DLGAP2: variants seen among roughly 807,000 people sequenced by gnomAD.
DLGAP2 encodes DLG associated protein 2, also known as disks large-associated protein 2.
A neutral mutation model predicts 100.3 loss-of-function variants in DLGAP2; 26 were observed. That is an observed-to-expected ratio of 0.26 (90% confidence interval 0.19 to 0.36). DLGAP2 has a LOEUF of 0.36. Ranked by LOEUF, DLGAP2 falls within the 10% of genes least tolerant of loss-of-function variation. The pLI is 1.00. For synonymous variants in DLGAP2, 886 were observed against 630.1 expected, an observed-to-expected ratio of 1.41 and a Z score of -6.08; for missense variants, 1,858 against 1,453.2, an observed-to-expected ratio of 1.28 and a Z score of -4.53.
At chr8:1,186,733 A>C (rs1797513178) in intron 2 of DLGAP2, among the ~76,000 whole-genome samples, 1 of 151,898 alleles carries the variant, frequency 6.6e-6, no homozygotes, top group South Asian at 2.1e-4. Context: ...CTGTGGGATA[A>C]TTTCACGTCG....
intron 3 of DLGAP2, among the ~76,000 whole-genome samples, chr8:1,317,890 GCGTCTCTC>G (rs1256661571): frequency 8.1e-4 from 111 of 137,602 alleles, no homozygotes; most frequent in African/African-American, 3.0e-3. Flanking sequence ...TGTGAGTGCA[GCGTCTCTC>G]CAACAGTGGT....
Position 1,563,603 on chromosome 8 carries a change from G to A in DLGAP2, c.1231-2080G>A, listed in dbSNP as rs562209686. ...TGGTGTTGAGGACTCCTTGCCACAC[G>A]GGGTCCATGGTAAGGGGAGCTCCTG... On this transcript the variant is annotated intron_variant, in intron 5 of 14. Transcript: ENST00000637795. Among the ~76,000 whole-genome samples the A allele has an allele frequency of 4.6e-3, 700 of 152,104 alleles. 6 individuals carry two copies. The highest frequency in any genetic ancestry group is 7.6e-3 in the Non-Finnish European group (518 of 67,962).
At chr8:1,344,090 G>GGGGCCCTGTCGTGAGTCCGTGTACTGT (rs1563094899) in intron 3 of DLGAP2, among the ~76,000 whole-genome samples, 20 of 73,220 alleles carry the variant, frequency 2.7e-4, no homozygotes, top group African/African-American at 9.8e-4. Context: ...TGTCGTACTC[G>GGGGCCCTGTCGTGAGTCCGTGTACTGT]GGGCCCTGTC....
chr8:1,651,116 A>C (rs1798152547), intron 8 of DLGAP2, among the ~76,000 whole-genome samples: 1 of 152,238 alleles, frequency 6.6e-6, no homozygotes, highest in Non-Finnish European at 1.5e-5. Flanking sequence ...TCCAGCGTCC[A>C]CATTCTGAAG....
At chr8:960,233 A>ATTTTTTTTTTTTTTTTTTTTTT (rs1228650565) in intron 2 of DLGAP2, among the ~76,000 whole-genome samples, 1 of 8,302 alleles carries the variant, frequency 1.2e-4, no homozygotes, top group Admixed American at 1.4e-3. Flanking sequence ...TTCCTGAAGT[A>ATTTTTTTTTTTTTTTTTTTTTT]TATCTTTTTT....
intron 2 of DLGAP2, among the ~76,000 whole-genome samples, chr8:1,149,296 CCACCG>C (rs1452228674): frequency 6.6e-6 from 1 of 152,148 alleles, no homozygotes; most frequent in Non-Finnish European, 1.5e-5. Context: ...CAGGCACCCG[CCACCG>C]CACCCGGCTA....
At chr8:927,235 G>C in intron 2 of DLGAP2, 1 of 985,278 alleles carries the variant, frequency 1.0e-6, no homozygotes, top group Non-Finnish European at 1.2e-6. Context: ...ATCCATTATG[G>C]GGGATTCATG....
At chr8:794,407 T>G (rs182066787) in intron 1 of DLGAP2, among the ~76,000 whole-genome samples, 1 of 152,148 alleles carries the variant, frequency 6.6e-6, no homozygotes, top group Non-Finnish European at 1.5e-5. Context: ...AAACAGAGAT[T>G]TACCTGCATA....
intron 3 of DLGAP2, among the ~76,000 whole-genome samples, chr8:1,307,535 G>C (rs1233630504): frequency 2.0e-5 from 3 of 152,180 alleles, no homozygotes; most frequent in African/African-American, 7.2e-5. Flanking sequence ...CCCAAAAGAA[G>C]TGGAAGCAGG....
chr8:1,561,479 C>G (rs998381168), intron 5 of DLGAP2, among the ~76,000 whole-genome samples: 6 of 152,278 alleles, frequency 3.9e-5, no homozygotes, highest in South Asian at 2.1e-4. Context: ...GCCTTTGGGC[C>G]TCTTGGAATC....
chr8:1,472,544 C>T (rs528683929), intron 3 of DLGAP2, among the ~76,000 whole-genome samples: 5 of 152,240 alleles, frequency 3.3e-5, no homozygotes, highest in Admixed American at 6.5e-5. Context: ...GTCAGGGTCT[C>T]GGGCCCGAGT....
Position 1,408,607 on chromosome 8 carries a change from G to C in DLGAP2, c.107-92759G>C, listed in dbSNP as rs916227067. Among the ~76,000 whole-genome samples the C allele has an allele frequency of 2.6e-5, 4 of 152,304 alleles. No homozygotes were observed. In the East Asian group the frequency reaches 5.8e-4, roughly 22 times the overall value. ...TTCGGCAACTGGAGTTTCTAAGCCT[G>C]TTTTCTGGAGCAGGCAACATGGATT... is the stretch of plus-strand genomic sequence containing the variant. On this transcript the variant is annotated intron_variant, in intron 3 of 14. Transcript: ENST00000637795.
intron 2 of DLGAP2, among the ~76,000 whole-genome samples, chr8:1,119,398 A>G (rs1795983436): frequency 6.6e-6 from 1 of 152,242 alleles, no homozygotes; most frequent in Non-Finnish European, 1.5e-5. Flanking sequence ...CATCTACTGC[A>G]GTGCGTCATG....
intron 2 of DLGAP2, among the ~76,000 whole-genome samples, chr8:1,239,537 G>C (rs1366945178): frequency 8.9e-6 from 1 of 112,342 alleles, no homozygotes; most frequent in African/African-American, 4.2e-5. Flanking sequence ...GCCGTGTCTA[G>C]TTCTCTCACA....
At chr8:1,483,631 T>TAC (rs1799161736) in intron 3 of DLGAP2, among the ~76,000 whole-genome samples, 1 of 83,364 alleles carries the variant, frequency 1.2e-5, no homozygotes, top group Admixed American at 1.3e-4. Flanking sequence ...TGCAGGAGGC[T>TAC]CAGGGAGCAG....
chr8:1,587,533 C>A (rs1440150906), intron 6 of DLGAP2, among the ~76,000 whole-genome samples: 1 of 152,120 alleles, frequency 6.6e-6, no homozygotes, highest in Admixed American at 6.5e-5. Flanking sequence ...ATGAATGTTT[C>A]TAAGAATATA....
chr8:1,120,227 C>A (rs1216912499), intron 2 of DLGAP2, among the ~76,000 whole-genome samples: 1 of 152,174 alleles, frequency 6.6e-6, no homozygotes, highest in Non-Finnish European at 1.5e-5. Context: ...GCAGCTGCTT[C>A]TGTGGCTCAC....
At chr8:1,064,920 G>A (rs1488377805) in intron 2 of DLGAP2, among the ~76,000 whole-genome samples, 2 of 152,184 alleles carry the variant, frequency 1.3e-5, no homozygotes, top group Non-Finnish European at 2.9e-5. Context: ...AAGGGTGGGT[G>A]CATGGAAGAG....
chr8:1,170,895 C>G (rs1325550203), intron 2 of DLGAP2, among the ~76,000 whole-genome samples: 1 of 147,260 alleles, frequency 6.8e-6, no homozygotes, highest in African/African-American at 2.5e-5. Context: ...CAGTTCTGCT[C>G]TGATTTTAGT....
Sources: gnomAD v4.1 joint callset for allele counts (sites outside exome capture counted in the v4.1 genomes callset) on GRCh38, gnomAD v4.1.1 for gene constraint, MANE v1.5 for transcripts, NCBI Gene and HGNC (gene_info 2026-07-23, HGNC 2026-07-21) for gene names.